The following PLCL2 variants were observed in gnomAD, a reference collection of about 807,000 sequenced individuals.
PLCL2 encodes the protein inactive phospholipase C-like protein 2.
In PLCL2, 4 loss-of-function variants were observed where a neutral mutation model predicts 79.6. The observed-to-expected ratio is 0.05, with a 90% CI of 0.02 to 0.11. The LOEUF (loss-of-function observed/expected upper bound fraction) is 0.11. Ranked by LOEUF, PLCL2 falls within the 10% of genes least tolerant of loss-of-function variation. The pLI is 1.00. For synonymous variants in PLCL2, 484 were observed against 457.7 expected (o/e 1.06, Z -0.73); for missense variants, 895 against 1,291.0 (o/e 0.69, Z 4.70).
chr3:17,024,298 C>G (rs543719842), intron 3 of PLCL2, among the ~76,000 whole-genome samples: 4 of 152,148 alleles, frequency 2.6e-5, no homozygotes, highest in African/African-American at 9.6e-5. Context: ...TAATAATTGC[C>G]AAGAGAGAGA....
chr3:16,965,853 A>C, intron 1 of PLCL2, among the ~76,000 whole-genome samples: 1 of 151,700 alleles, frequency 6.6e-6, no homozygotes, highest in Non-Finnish European at 1.5e-5. Context: ...AATGCTTGTG[A>C]TTTTTGCACA....
intron 1 of PLCL2, among the ~76,000 whole-genome samples, chr3:16,936,359 G>C (rs1253942738): frequency 6.6e-6 from 1 of 152,160 alleles, no homozygotes; most frequent in African/African-American, 2.4e-5. Flanking sequence ...GTCCACATTA[G>C]CATGACCATG....
Position 16,986,052 on chromosome 3 carries a change from G to T in PLCL2, c.328-23622G>T, listed in dbSNP as rs2064047351. ...CAAGACATAGGGAACTCTAGTCTGG[G>T]TGGGAGACACCTTGTCCAACCAATA... On this transcript the variant is annotated intron_variant, in intron 1 of 5. Coordinates refer to ENST00000615277, the MANE Select transcript of PLCL2 (RefSeq NM_001144382.2). Among the ~76,000 whole-genome samples the T allele has an allele frequency of 7.2e-5, 11 of 152,086 alleles. No individual in the cohort carries two copies. In the South Asian group the frequency reaches 2.3e-3, roughly 32 times the overall value.
At chr3:16,890,112 T>C (rs977933674) in intron 1 of PLCL2, among the ~76,000 whole-genome samples, 7 of 152,242 alleles carry the variant, frequency 4.6e-5, no homozygotes, top group African/African-American at 1.7e-4. Flanking sequence ...TGGTTGCTTG[T>C]TTTAGCCTGC....
At position 16,887,056 on chromosome 3, in the gene PLCL2, G is replaced by T. The variant is rs1048648591; in HGVS notation, c.327+1690G>T. Among the ~76,000 whole-genome samples, 6 of 152,258 alleles carry T rather than the reference G, an allele frequency of 3.9e-5. No individual in the cohort carries two copies. In the South Asian group the frequency reaches 1.2e-3, roughly 32 times the overall value. On this transcript the variant is annotated intron_variant, in intron 1 of 5. Transcript: ENST00000615277. The surrounding 1 kb of genome is among the most constrained non-coding windows in gnomAD (Gnocchi z 4.1). ...TTGTTTTAATTTTACATTACTGGGCGATAAGCAAGAAGGATGATTTGTTAG... is the reference window on the plus strand; with the variant it reads ...TTGTTTTAATTTTACATTACTGGGCTATAAGCAAGAAGGATGATTTGTTAG...
intron 1 of PLCL2, among the ~76,000 whole-genome samples, chr3:16,916,942 C>T (rs1019984024): frequency 6.6e-6 from 1 of 152,102 alleles, no homozygotes; most frequent in Admixed American, 6.5e-5. Flanking sequence ...TCTTTATCTC[C>T]CCACCTCCCC....
intron 4 of PLCL2, among the ~76,000 whole-genome samples, chr3:17,046,919 T>C (rs2124924771): frequency 6.6e-6 from 1 of 152,254 alleles, no homozygotes; most frequent in South Asian, 2.1e-4. Context: ...CTTAGATCTC[T>C]GTGTCCTGAC....
intron 1 of PLCL2, among the ~76,000 whole-genome samples, chr3:16,957,268 G>A (rs959137357): frequency 7.2e-5 from 11 of 152,036 alleles, no homozygotes; most frequent in Admixed American, 2.0e-4. Context: ...CTTTATTTCC[G>A]CCTTCATTTC....
intron 1 of PLCL2, among the ~76,000 whole-genome samples, chr3:16,888,984 C>T (rs1696285573): frequency 6.6e-6 from 1 of 152,136 alleles, no homozygotes; most frequent in Admixed American, 6.5e-5. Context: ...ACTAACATCA[C>T]CTCAAAAAAC....
chr3:16,997,532 C>CTTTTT (rs747893839), intron 1 of PLCL2, among the ~76,000 whole-genome samples: 16 of 131,686 alleles, frequency 1.2e-4, no homozygotes, highest in Non-Finnish European at 1.9e-4. Context: ...AATTTCTTTT[C>CTTTTT]TTTTTTTTTT....
At position 16,886,456 on chromosome 3, in the gene PLCL2, C is replaced by T. The variant is rs936561190; in HGVS notation, c.327+1090C>T. Among the ~76,000 whole-genome samples, 4 of 152,210 alleles carry T rather than the reference C, an allele frequency of 2.6e-5. No homozygotes were observed. The highest frequency in any genetic ancestry group is 2.6e-4 in the Admixed American group (4 of 15,284). ...GGTGGTATCTGAAATTTTATTGGAC[C>T]TACAGAAATCTTCCAAGTACTGTGA... On this transcript the variant is annotated intron_variant, in intron 1 of 5. Transcript: ENST00000615277. This position sits in a 1 kb window ranked among gnomAD's most constrained non-coding sequence, Gnocchi z 4.2.
chr3:17,011,076 C>G lies in PLCL2; in HGVS notation c.1730C>G (p.Ser577Cys). 1 of 1,614,008 alleles carries G rather than the reference C, an allele frequency of 6.2e-7. No homozygotes were observed. The highest frequency in any genetic ancestry group is 1.1e-5 in the South Asian group (1 of 91,072). Reference protein sequence around the residue: ...IKAKKLSSNCSGVEGDVTDED... With the variant: ...IKAKKLSSNCCGVEGDVTDED... Reference sequence around the variant, plus strand: ...GCAAAGAAGCTGTCCTCAAATTGCTCTGGGGTAGAAGGAGATGTTACTGAC... The same window carrying G: ...GCAAAGAAGCTGTCCTCAAATTGCTGTGGGGTAGAAGGAGATGTTACTGAC... The change falls in exon 2 of 6, where the codon TCT becomes TGT. Residue 577 changes from serine to cysteine, a missense_variant. By Grantham distance (112) the Ser-to-Cys change is moderately radical. Around this residue, in one of 6 missense-constraint regions of PLCL2, gnomAD observed 242 missense variants for 399.5 expected, o/e 0.61. Coordinates refer to ENST00000615277, the MANE Select transcript of PLCL2 (RefSeq NM_001144382.2). The surrounding 1 kb of genome is among the most constrained non-coding windows in gnomAD (Gnocchi z 7.9).
chr3:17,020,522 A>G (rs2064438489), intron 3 of PLCL2, among the ~76,000 whole-genome samples: 1 of 151,986 alleles, frequency 6.6e-6, no homozygotes, highest in Non-Finnish European at 1.5e-5. Context: ...CATTCTCTGT[A>G]CTTTCCCTTT....
chr3:16,988,901 A>G (rs576782282), intron 1 of PLCL2, among the ~76,000 whole-genome samples: 1 of 152,304 alleles, frequency 6.6e-6, no homozygotes, highest in African/African-American at 2.4e-5. Flanking sequence ...CCTAGCATAC[A>G]TTATAGCCTC....
rs560694393 is a variant in PLCL2 at position 16,931,859 on chromosome 3, A to G, written c.327+46493A>G. Among the ~76,000 whole-genome samples, 116 of 152,316 alleles carry G rather than the reference A, an allele frequency of 7.6e-4. No individual in the cohort carries two copies. In the Middle Eastern group the frequency reaches 0.017, roughly 22 times the overall value. On this transcript the variant is annotated intron_variant, in intron 1 of 5. Transcript: ENST00000615277. ...ATGATTGCATGTTTGTATCCCTGCA[A>G]AATTCATACATTGAGATACAATCCC...
intron 3 of PLCL2, among the ~76,000 whole-genome samples, chr3:17,019,076 A>G (rs912621440): frequency 6.6e-6 from 1 of 152,190 alleles, no homozygotes; most frequent in Non-Finnish European, 1.5e-5. Flanking sequence ...CAAAGGAGAG[A>G]ATGGTTAGTT....
chr3:16,925,616 GAATCATACAATAT>G (rs1476455647), intron 1 of PLCL2, among the ~76,000 whole-genome samples: 1 of 152,022 alleles, frequency 6.6e-6, no homozygotes, highest in Admixed American at 6.5e-5. Context: ...TATATAAATG[GAATCATACAATAT>G]ATGGCCTTTT....
intron 1 of PLCL2, among the ~76,000 whole-genome samples, chr3:16,957,503 C>G (rs2124965584): frequency 6.6e-6 from 1 of 152,244 alleles, no homozygotes; most frequent in Admixed American, 6.5e-5. Flanking sequence ...AATGTATATT[C>G]TGTTGATTTG....
At chr3:16,985,142 A>G (rs753170420) in intron 1 of PLCL2, among the ~76,000 whole-genome samples, 2 of 151,978 alleles carry the variant, frequency 1.3e-5, no homozygotes, top group Non-Finnish European at 2.9e-5. Context: ...CTTGACCTGT[A>G]TGTTTTAGTT....
Sources: allele counts gnomAD v4.1 joint callset (sites outside exome capture counted in the v4.1 genomes callset), GRCh38; gene constraint gnomAD v4.1.1; regional missense constraint gnomAD v4.1.1; non-coding constraint Gnocchi (gnomAD v3.1); transcripts MANE v1.5; gene names NCBI Gene and HGNC (gene_info 2026-07-23, HGNC 2026-07-21).